PRKCH: variants seen among roughly 807,000 people sequenced by gnomAD.
The protein encoded by PRKCH is protein kinase C eta type.
A neutral mutation model predicts 82.5 loss-of-function variants in PRKCH; 28 were observed. That is an observed-to-expected ratio of 0.34 (90% confidence interval 0.25 to 0.47). PRKCH has a LOEUF of 0.47. Among genes scored for constraint, PRKCH ranks in the 20% least tolerant of loss-of-function variants. The probability of loss-of-function intolerance (pLI) is 1.00; values close to 1 mark genes in which losing one functional copy is unlikely to be tolerated. For missense variants in PRKCH, 705 were observed against 881.8 expected (o/e 0.80, Z 2.54); for synonymous variants, 322 against 327.4 (o/e 0.98, Z 0.18).
At chr14:61,320,089 G>A (rs1364412732), upstream of PRKCH, among the ~76,000 whole-genome samples, 1 of 152,186 alleles carries the variant, frequency 6.6e-6, no homozygotes, top group Non-Finnish European at 1.5e-5. Context: ...CACTTTAGGA[G>A]GCAGGGGCTG....
chr14:61,428,112 C>CACATATATATATATATAT (rs1391102641), intron 2 of PRKCH, among the ~76,000 whole-genome samples: 13 of 145,596 alleles, frequency 8.9e-5, no homozygotes, highest in East Asian at 4.1e-4. Flanking sequence ...TATATACACA[C>CACATATATATATATATAT]ATATATATAT....
At chr14:61,322,641 C>A in intron 1 of PRKCH, 177 bp downstream of exon 1, 1 of 839,864 alleles carries the variant, frequency 1.2e-6, no homozygotes, top group Non-Finnish European at 1.8e-6. Flanking sequence ...TGGGTGTGTG[C>A]AGGCGCAGGT....
At chr14:61,319,014 C>T (rs1350573089), upstream of PRKCH, among the ~76,000 whole-genome samples, 2 of 152,142 alleles carry the variant, frequency 1.3e-5, no homozygotes, top group African/African-American at 2.4e-5. Context: ...TTTTAAAACA[C>T]AAATCCTCAT....
intron 1 of PRKCH, among the ~76,000 whole-genome samples, chr14:61,244,969 A>G (rs986837384): frequency 6.6e-6 from 1 of 152,226 alleles, no homozygotes; most frequent in Admixed American, 6.5e-5. Flanking sequence ...GTTTAAACAC[A>G]AAAGCAAAAC....
chr14:61,253,128 T>C (rs1054978514), intron 1 of PRKCH, among the ~76,000 whole-genome samples: 7 of 152,206 alleles, frequency 4.6e-5, no homozygotes, highest in Admixed American at 4.6e-4. Flanking sequence ...TAATATATGT[T>C]TTTTTAGGTT....
At chr14:61,400,968 G>T (rs1420041633) in intron 2 of PRKCH, among the ~76,000 whole-genome samples, 1 of 152,032 alleles carries the variant, frequency 6.6e-6, no homozygotes, top group African/African-American at 2.4e-5. Flanking sequence ...GTTGGGGGTG[G>T]GGGGGCAGCA....
At chr14:61,311,673 C>G (rs1301030468) in intron 1 of PRKCH, among the ~76,000 whole-genome samples, 1 of 152,204 alleles carries the variant, frequency 6.6e-6, no homozygotes, top group East Asian at 1.9e-4. Flanking sequence ...CTGCCTGACA[C>G]TGGGTAATTT....
At chr14:61,403,424 A>C (rs1881770021) in intron 2 of PRKCH, among the ~76,000 whole-genome samples, 2 of 152,350 alleles carry the variant, frequency 1.3e-5, no homozygotes, top group South Asian at 4.1e-4. Flanking sequence ...TACAGGTGAC[A>C]GAATTGTCAT....
intron 1 of PRKCH, among the ~76,000 whole-genome samples, chr14:61,364,986 T>A (rs2046279150): frequency 1.3e-5 from 2 of 151,930 alleles, no homozygotes; most frequent in African/African-American, 4.8e-5. Context: ...GGTAGGGTGA[T>A]GTAGTCTCCA....
intron 2 of PRKCH, among the ~76,000 whole-genome samples, chr14:61,403,869 G>A (rs897936780): frequency 2.0e-5 from 3 of 152,070 alleles, no homozygotes; most frequent in Non-Finnish European, 4.4e-5. Context: ...TAGTGATGTG[G>A]TATTCTCTCT....
chr14:61,497,002 A>G (rs8013744), intron 10 of PRKCH, among the ~76,000 whole-genome samples: 143,193 of 152,238 alleles, frequency 0.94, 67,986 homozygotes, highest in East Asian at 1. Context: ...TTTTAAATAA[A>G]TGAAAGCCTT....
intron 12 of PRKCH, chr14:61,545,223 A>G (rs2140040134): frequency 6.6e-6 from 1 of 152,246 alleles, no homozygotes; most frequent in South Asian, 2.1e-4. Flanking sequence ...CTTCATGCCT[A>G]CTATGTTAAT....
Position 61,549,733 on chromosome 14 carries a change from G to A in PRKCH, c.1954G>A (p.Glu652Lys). 6.2e-7 allele frequency: 1 copy of A among 1,613,808 alleles called. No homozygotes were observed. Among genetic ancestry groups the A allele is most frequent in the South Asian group, 1.1e-5 (1 of 91,072 alleles). Residue 652 changes from glutamate to lysine, a missense_variant, in exon 14 of 14, where the codon GAG (glutamate) becomes AAG (lysine). Transcript: ENST00000332981. ...TTTTGACCCTGACTTCATAAAGGAA[G>A]AGCCAGTTTTAACTCCAATTGATGA... The part of the protein sequence containing the change: ...SNFDPDFIKE[E>K]PVLTPIDEGH...
At chr14:61,356,964 G>A (rs2046158425) in intron 1 of PRKCH, among the ~76,000 whole-genome samples, 1 of 152,212 alleles carries the variant, frequency 6.6e-6, no homozygotes, top group Non-Finnish European at 1.5e-5. Context: ...TTATAGGCAT[G>A]AGCCACCACA....
At chr14:61,239,179 A>G (rs779327547) in intron 1 of PRKCH, among the ~76,000 whole-genome samples, 14 of 152,168 alleles carry the variant, frequency 9.2e-5, no homozygotes, top group Non-Finnish European at 1.6e-4. Flanking sequence ...CAACCCAAAC[A>G]TACTCTTCCA....
At chr14:61,261,208 C>T (rs1057500046) in intron 1 of PRKCH, among the ~76,000 whole-genome samples, 2 of 152,214 alleles carry the variant, frequency 1.3e-5, no homozygotes, top group Non-Finnish European at 2.9e-5. Flanking sequence ...CGCACATGCA[C>T]ATGCACATGC....
At chr14:61,311,923 A>G (rs2045528410) in intron 1 of PRKCH, among the ~76,000 whole-genome samples, 1 of 152,214 alleles carries the variant, frequency 6.6e-6, no homozygotes, top group Non-Finnish European at 1.5e-5. Flanking sequence ...AGAGCCCCTT[A>G]TAAAATAATC....
intron 12 of PRKCH, among the ~76,000 whole-genome samples, chr14:61,537,126 A>G (rs1187303591): frequency 6.6e-6 from 1 of 152,192 alleles, no homozygotes; most frequent in Non-Finnish European, 1.5e-5. Context: ...GCACACTGGG[A>G]AGACTATTTT....
Position 61,262,753 on chromosome 14 carries a change from G to GA in PRKCH, c.-19+75095dup, listed in dbSNP as rs890247936. Among the ~76,000 whole-genome samples the GA allele has an allele frequency of 9.4e-4, 137 of 146,496 alleles. No homozygotes were observed. In the Middle Eastern group the frequency reaches 0.01, roughly 11 times the overall value. ...TTTTCTAAACCCAGATGATGCAACAGAAAAAAAAAATGAGGAAATCAAAAA... is the reference window on the plus strand; with the variant it reads ...TTTTCTAAACCCAGATGATGCAACAGAAAAAAAAAAATGAGGAAATCAAAAA... On this transcript the variant is annotated intron_variant, in intron 1 of 3. Transcript: ENST00000555185.
Sources: gnomAD v4.1 joint callset for allele counts (sites outside exome capture counted in the v4.1 genomes callset) on GRCh38, gnomAD v4.1.1 for gene constraint, MANE v1.5 for transcripts, NCBI Gene and HGNC (gene_info 2026-07-23, HGNC 2026-07-21) for gene names.